Variants in CFAP96 observed in about 807,000 individuals in gnomAD.
The protein encoded by CFAP96 is cilia and flagella associated protein 96.
At chr4:185,436,427 TG>T in the CFAP96 span, 83 of 1,208,306 alleles carry the variant, frequency 6.9e-5, no homozygotes, top group Non-Finnish European at 9.2e-5. Context: ...ATAATTCACT[TG>T]AGGCCGGGCA....
chr4:185,424,038 C>T, the CFAP96 span, among the ~76,000 whole-genome samples: 2 of 151,890 alleles, frequency 1.3e-5, no homozygotes, highest in Non-Finnish European at 2.9e-5. Flanking sequence ...CAGTGGCTCA[C>T]GCCTGTAATC....
At chr4:185,438,543 A>AT in the CFAP96 span, among the ~76,000 whole-genome samples, 46 of 152,176 alleles carry the variant, frequency 3.0e-4, no homozygotes, top group Non-Finnish European at 3.1e-4. Context: ...TTCTTGGTTG[A>AT]TTTTAAATAA....
the CFAP96 span, chr4:185,432,201 C>A: frequency 6.5e-7 from 1 of 1,549,172 alleles, no homozygotes; most frequent in South Asian, 1.2e-5. Context: ...GAGAAAAAGC[C>A]GTAAGTGTTT....
the CFAP96 span, among the ~76,000 whole-genome samples, chr4:185,421,951 A>C: frequency 6.6e-6 from 1 of 152,220 alleles, no homozygotes; most frequent in African/African-American, 2.4e-5. Flanking sequence ...ATCAAATGAA[A>C]CAAATCTCAA....
chr4:185,447,142 T>C, the CFAP96 span, among the ~76,000 whole-genome samples: 1 of 152,280 alleles, frequency 6.6e-6, no homozygotes, highest in East Asian at 1.9e-4. Context: ...CCTTGTATGA[T>C]AGTTATTTTG....
At chr4:185,431,879 T>C in the CFAP96 span, 1 of 950,734 alleles carries the variant, frequency 1.1e-6, no homozygotes, top group Non-Finnish European at 1.6e-6. Context: ...AGCTCAAAAT[T>C]CATAATTGGC....
At chr4:185,419,153 A>C in the CFAP96 span, among the ~76,000 whole-genome samples, 13 of 150,522 alleles carry the variant, frequency 8.6e-5, no homozygotes, top group Non-Finnish European at 1.8e-4. Flanking sequence ...TTTTTTTGAG[A>C]TGGAGTCTCG....
At chr4:185,445,156 C>A in the CFAP96 span, 1 of 1,527,804 alleles carries the variant, frequency 6.5e-7, no homozygotes, top group Non-Finnish European at 8.8e-7. Context: ...ACTTAGCTTA[C>A]AAACTAAGAA....
At chr4:185,443,505 C>T in the CFAP96 span, among the ~76,000 whole-genome samples, 2 of 150,654 alleles carry the variant, frequency 1.3e-5, no homozygotes, top group African/African-American at 4.9e-5. Context: ...TGTGCCACCA[C>T]GCCTGGCTAA....
At chr4:185,422,241 T>C in the CFAP96 span, among the ~76,000 whole-genome samples, 1 of 152,230 alleles carries the variant, frequency 6.6e-6, no homozygotes, top group East Asian at 1.9e-4. Context: ...TAACAATTAA[T>C]GAAGAGGGGA....
chr4:185,422,506 A>C, the CFAP96 span: 8 of 1,611,584 alleles, frequency 5.0e-6, no homozygotes, highest in Non-Finnish European at 6.8e-6. Context: ...GCTAGCTGAA[A>C]AGCCAAATCA....
At chr4:185,429,851 A>G in the CFAP96 span, among the ~76,000 whole-genome samples, 5 of 148,658 alleles carry the variant, frequency 3.4e-5, no homozygotes, top group African/African-American at 7.8e-5. Context: ...TTTGTGGAGT[A>G]GGGCGGGGGA....
chr4:185,423,618 T>C, the CFAP96 span, among the ~76,000 whole-genome samples: 1 of 152,120 alleles, frequency 6.6e-6, no homozygotes, highest in Non-Finnish European at 1.5e-5. Context: ...TGCTGAAAAT[T>C]AAAAGGCACA....
the CFAP96 span, among the ~76,000 whole-genome samples, chr4:185,412,985 G>C: frequency 2.2e-3 from 332 of 152,238 alleles, 2 homozygotes; most frequent in African/African-American, 7.6e-3. Context: ...ATGTTACATG[G>C]AAAATAAGTC....
the CFAP96 span, among the ~76,000 whole-genome samples, chr4:185,411,555 T>C: frequency 3.3e-5 from 5 of 152,150 alleles, no homozygotes; most frequent in Non-Finnish European, 7.4e-5. Context: ...TAATGAGTCA[T>C]AACCAAACCG....
the CFAP96 span, chr4:185,418,381 C>G: frequency 4.6e-6 from 6 of 1,293,150 alleles, no homozygotes; most frequent in Admixed American, 6.5e-5. Flanking sequence ...AGATTGCACT[C>G]AGTTCCAAAT....
chr4:185,440,647 A>G, the CFAP96 span: 2 of 1,516,554 alleles, frequency 1.3e-6, no homozygotes, highest in Non-Finnish European at 8.9e-7. Flanking sequence ...AGGAATCTTT[A>G]CCACCAATTA....
chr4:185,418,811 T>C, the CFAP96 span: 2 of 1,477,686 alleles, frequency 1.4e-6, no homozygotes, highest in Admixed American at 4.4e-5. Context: ...GAAAAACAAA[T>C]TTTTCAACAT....
the CFAP96 span, chr4:185,445,565 G>A: frequency 1.8e-4 from 262 of 1,438,166 alleles, no homozygotes; most frequent in Non-Finnish European, 2.4e-4. Context: ...AAAATATTCT[G>A]GTTAATTAAA....
Sources: gnomAD v4.1 joint callset for allele counts (sites outside exome capture counted in the v4.1 genomes callset) on GRCh38, gnomAD v4.1.1 for gene constraint, MANE v1.5 for transcripts, NCBI Gene and HGNC (gene_info 2026-07-23, HGNC 2026-07-21) for gene names.